The following MYH11 variants were observed in gnomAD, a reference collection of about 807,000 sequenced individuals.
The protein encoded by MYH11 is myosin heavy chain 11, also known as myosin-11.
Under a neutral mutation model 246.6 loss-of-function variants are expected in MYH11, and 80 were observed. The ratio of observed to expected loss-of-function variants is 0.32; its 90% CI spans 0.27 to 0.39. MYH11 has a LOEUF of 0.39. Ranked by LOEUF, MYH11 falls within the 10% of genes least tolerant of loss-of-function variation. MYH11 has a pLI of 1.00. For missense variants in MYH11, 2,158 were observed against 2,546.8 expected (o/e 0.85, Z 3.29); for synonymous variants, 1,071 against 1,015.5 (o/e 1.05, Z -1.04).
chr16:15,764,027 T>C (rs2041927819), intron 9 of MYH11, 136 bp from the exon 10 acceptor site: 3 of 731,602 alleles, frequency 4.1e-6, no homozygotes, highest in African/African-American at 1.7e-5. Context: ...CTGAGCTCAA[T>C]ATTTTCATAT....
chr16:15,749,098 C>T (rs1023695712), intron 16 of MYH11: 2 of 151,938 alleles, frequency 1.3e-5, no homozygotes, highest in Non-Finnish European at 2.9e-5. Context: ...ATTCCTACCT[C>T]ATGCCATCAC....
At chr16:15,734,595 A>G (rs2041062249) in intron 26 of MYH11, among the ~76,000 whole-genome samples, 1 of 152,112 alleles carries the variant, frequency 6.6e-6, no homozygotes, top group African/African-American at 2.4e-5. Flanking sequence ...GCCCGACCCT[A>G]AAGGTGATTT....
chr16:15,801,481 C>CCCAGTCTCT (rs1412614726), intron 3 of MYH11, among the ~76,000 whole-genome samples: 1 of 151,604 alleles, frequency 6.6e-6, no homozygotes, highest in African/African-American at 2.4e-5. Context: ...CATAGCAAGA[C>CCCAGTCTCT]CCAGTCTCTA....
chr16:15,849,504 C>T (rs550676949), intron 1 of MYH11, among the ~76,000 whole-genome samples: 7 of 152,180 alleles, frequency 4.6e-5, no homozygotes, highest in East Asian at 1.9e-4. Flanking sequence ...TGAAGTGGCG[C>T]GATCTCTGCT....
chr16:15,704,451 G>T (rs2039343238), intron 40 of MYH11, among the ~76,000 whole-genome samples: 1 of 152,208 alleles, frequency 6.6e-6, no homozygotes, highest in South Asian at 2.1e-4. Flanking sequence ...GGTCTGCTGT[G>T]GTCTTTGATT....
chr16:15,753,258 C>G, intron 15 of MYH11, 136 bp downstream of exon 15: 1 of 777,118 alleles, frequency 1.3e-6, no homozygotes, highest in Non-Finnish European at 2.2e-6. Context: ...ACATCACCAG[C>G]CCATGCCAAT....
intron 9 of MYH11, 109 bp downstream of exon 9, chr16:15,771,460 A>C: frequency 8.3e-6 from 8 of 963,646 alleles, no homozygotes; most frequent in Non-Finnish European, 1.0e-5. Flanking sequence ...TTTTAATGGA[A>C]GGTGGGGAAT....
chr16:15,837,142 C>A (rs1004457097), intron 2 of MYH11, among the ~76,000 whole-genome samples: 1 of 152,194 alleles, frequency 6.6e-6, no homozygotes, highest in Non-Finnish European at 1.5e-5. Context: ...AATAGTCCTA[C>A]GACCAACCTG....
At chr16:15,795,721 A>G in intron 4 of MYH11, among the ~76,000 whole-genome samples, 1 of 152,262 alleles carries the variant, frequency 6.6e-6, no homozygotes, top group East Asian at 1.9e-4. Context: ...TGATCCTTAC[A>G]AAGTGCTCAC....
At position 15,823,310 on chromosome 16, in the gene MYH11, C is replaced by T. The variant is rs1187067863; in HGVS notation, c.447G>A (p.Glu149=). 3 of 1,614,102 alleles carry T rather than the reference C, an allele frequency of 1.9e-6. No homozygotes were observed. Among genetic ancestry groups the T allele is most frequent in the African/African-American group, 2.7e-5 (2 of 74,944 alleles). The change falls in exon 3 of 41, where the codon GAG becomes GAA. Residue 149 remains glutamate (E), a synonymous_variant. Transcript: ENST00000300036. ...CGATGGCGTAGATGTGAGGCGGCAT[C>T]TCGTGCCTCTTCTTGCCCTTGTACA... ...VDMYKGKKRH[E]MPPHIYAIAD...
intron 26 of MYH11, among the ~76,000 whole-genome samples, chr16:15,733,763 G>C (rs569174820): frequency 6.6e-6 from 1 of 151,928 alleles, no homozygotes; most frequent in Non-Finnish European, 1.5e-5. Context: ...GGCTGGTCTC[G>C]AACTCCTGAC....
chr16:15,706,395 T>A (rs1030369892), intron 40 of MYH11, among the ~76,000 whole-genome samples: 1 of 151,918 alleles, frequency 6.6e-6, no homozygotes, highest in African/African-American at 2.4e-5. Context: ...CGTCACAGTT[T>A]TAACTCCAGG....
At chr16:15,792,353 T>C (rs2042631277) in intron 4 of MYH11, 1 of 152,218 alleles carries the variant, frequency 6.6e-6, no homozygotes, top group South Asian at 2.1e-4. Flanking sequence ...GCCCACCTAT[T>C]ATTACTTTTA....
chr16:15,719,675 G>T lies in MYH11; in HGVS notation c.4992C>A (p.Ala1664=). Residue 1664 remains alanine (A), a synonymous_variant, in exon 35 of 41, where the codon GCC becomes GCA. Transcript: ENST00000300036. Reference sequence around the variant, plus strand: ...CAAAGATCTCATCTCTGGAGGCACGGGCATCTTCCAGCTCTCTTTGAAAGT... The same window carrying T: ...CAAAGATCTCATCTCTGGAGGCACGTGCATCTTCCAGCTCTCTTTGAAAGT... The part of the protein sequence containing the change: ...MKDFQRELED[A]RASRDEIFAT... 6.2e-7 allele frequency: 1 copy of T among 1,614,142 alleles called. No homozygotes were observed. Among genetic ancestry groups the T allele is most frequent in the Non-Finnish European group, 8.5e-7 (1 of 1,180,030 alleles).
chr16:15,823,209 G>C, intron 3 of MYH11, 46 bp downstream of exon 3: 1 of 1,612,340 alleles, frequency 6.2e-7, no homozygotes, highest in Non-Finnish European at 8.5e-7. Flanking sequence ...AGCAGGACAG[G>C]AGGGGCTCCC....
At chr16:15,793,516 C>T (rs2042663268) in intron 4 of MYH11, among the ~76,000 whole-genome samples, 2 of 152,182 alleles carry the variant, frequency 1.3e-5, no homozygotes, top group Admixed American at 6.5e-5. Flanking sequence ...TGGTCTCAAA[C>T]TTCTGGCTTC....
At chr16:15,795,851 A>C (rs1480007888) in intron 4 of MYH11, among the ~76,000 whole-genome samples, 6 of 152,216 alleles carry the variant, frequency 3.9e-5, no homozygotes. Flanking sequence ...GGCTCAGAGA[A>C]GTGAACTGAC....
chr16:15,727,037 G>A lies in MYH11; in HGVS notation c.3669C>T (p.Asp1223=), dbSNP rs111940956. 78 of 1,611,750 alleles carry A rather than the reference G, an allele frequency of 4.8e-5. No individual in the cohort carries two copies. In the African/African-American group the frequency reaches 8.7e-4, roughly 18 times the overall value. Reference sequence around the variant, plus strand: ...CTTTCTCCAGCGTCTGCTTATTCTTGTCTAGGTTCGCCTTGGCCTGGCGAA... The same window carrying A: ...CTTTCTCCAGCGTCTGCTTATTCTTATCTAGGTTCGCCTTGGCCTGGCGAA... ...EQFKRAKANL[D]KNKQTLEKEN... is the part of the protein sequence containing the mutation. The change falls in exon 28 of 41, where the codon GAC becomes GAT. Residue 1223 remains aspartate (D), a synonymous_variant. Transcript: ENST00000300036.
chr16:15,754,565 T>C (rs1361155005), intron 14 of MYH11, among the ~76,000 whole-genome samples: 1 of 152,198 alleles, frequency 6.6e-6, no homozygotes, highest in Non-Finnish European at 1.5e-5. Context: ...TAAAGGAACA[T>C]ATACCCCCTT....
Sources: allele counts gnomAD v4.1 joint callset (sites outside exome capture counted in the v4.1 genomes callset), GRCh38; gene constraint gnomAD v4.1.1; transcripts MANE v1.5; gene names NCBI Gene and HGNC (gene_info 2026-07-23, HGNC 2026-07-21).